Variants in MAP4K5 observed in about 807,000 individuals in gnomAD.
MAP4K5 encodes mitogen-activated protein kinase kinase kinase kinase 5, also known as MAPK/ERK kinase kinase kinase 5.
In MAP4K5, 82 loss-of-function variants were observed where a neutral mutation model predicts 135.6. The ratio of observed to expected loss-of-function variants is 0.60; its 90% CI spans 0.51 to 0.73. MAP4K5 has a LOEUF of 0.73. MAP4K5 is among the 30% of genes least tolerant of loss of function. The pLI is 0.00. For synonymous variants in MAP4K5, 347 were observed against 335.0 expected (o/e 1.04, Z -0.39); for missense variants, 907 against 1,010.9 (o/e 0.90, Z 1.39).
intron 1 of MAP4K5, among the ~76,000 whole-genome samples, chr14:50,551,792 G>A (rs2038706030): frequency 6.6e-6 from 1 of 152,086 alleles, no homozygotes; most frequent in African/African-American, 2.4e-5. Context: ...CACAGGAAAA[G>A]CATTTGATAA....
At chr14:50,435,498 G>C (rs1014032270) in intron 26 of MAP4K5, among the ~76,000 whole-genome samples, 1 of 151,942 alleles carries the variant, frequency 6.6e-6, no homozygotes, top group African/African-American at 2.4e-5. Flanking sequence ...CTGAGTAGCA[G>C]AGACTATAGG....
intron 12 of MAP4K5, among the ~76,000 whole-genome samples, chr14:50,463,508 G>A (rs1000514421): frequency 2.6e-5 from 4 of 152,088 alleles, no homozygotes; most frequent in Non-Finnish European, 4.4e-5. Context: ...CTGCTTCTGG[G>A]CTATAATGGC....
intron 3 of MAP4K5, among the ~76,000 whole-genome samples, chr14:50,490,401 T>G (rs1366558587): frequency 2.0e-5 from 3 of 152,348 alleles, no homozygotes. Flanking sequence ...GGGTTCTAAA[T>G]GATGTTAACA....
At chr14:50,493,265 A>G (rs2037524656) in intron 3 of MAP4K5, among the ~76,000 whole-genome samples, 1 of 152,124 alleles carries the variant, frequency 6.6e-6, no homozygotes, top group Non-Finnish European at 1.5e-5. Flanking sequence ...ATATCCGGCT[A>G]ATATTTTCAA....
chr14:50,500,604 G>A (rs2037686951), intron 3 of MAP4K5, among the ~76,000 whole-genome samples: 1 of 152,156 alleles, frequency 6.6e-6, no homozygotes, highest in South Asian at 2.1e-4. Context: ...TTAAGCAGAA[G>A]TGATGATATG....
At chr14:50,545,692 G>A (rs2038622608) in intron 1 of MAP4K5, among the ~76,000 whole-genome samples, 1 of 152,180 alleles carries the variant, frequency 6.6e-6, no homozygotes, top group Non-Finnish European at 1.5e-5. Context: ...AAAGGCACAT[G>A]CGAGTATCCA....
intron 1 of MAP4K5, among the ~76,000 whole-genome samples, chr14:50,552,524 T>C (rs989291632): frequency 2.0e-5 from 3 of 152,106 alleles, no homozygotes; most frequent in Non-Finnish European, 4.4e-5. Context: ...TCCTAAAATT[T>C]GTATGGAACC....
intron 2 of MAP4K5, among the ~76,000 whole-genome samples, chr14:50,530,050 C>A (rs1382556908): frequency 6.6e-6 from 1 of 152,078 alleles, no homozygotes; most frequent in Admixed American, 6.5e-5. Flanking sequence ...CTAAGAACGC[C>A]TTAAGGATGT....
chr14:50,490,884 G>C (rs1039214380), intron 3 of MAP4K5, among the ~76,000 whole-genome samples: 1 of 152,108 alleles, frequency 6.6e-6, no homozygotes, highest in Non-Finnish European at 1.5e-5. Context: ...AACATAGTAA[G>C]AAAAAAGTAG....
At chr14:50,506,483 C>CA (rs2037812300) in intron 2 of MAP4K5, among the ~76,000 whole-genome samples, 1 of 152,068 alleles carries the variant, frequency 6.6e-6, no homozygotes, top group African/African-American at 2.4e-5. Flanking sequence ...CTCAGCCTCC[C>CA]AAGTGGCTGA....
At chr14:50,525,734 C>T (rs2038250041) in intron 2 of MAP4K5, among the ~76,000 whole-genome samples, 2 of 152,142 alleles carry the variant, frequency 1.3e-5, no homozygotes, top group South Asian at 4.1e-4. Context: ...GTCCCAGCTA[C>T]TCAGGAGGCT....
At chr14:50,514,614 T>C (rs1161215761) in intron 2 of MAP4K5, among the ~76,000 whole-genome samples, 2 of 152,266 alleles carry the variant, frequency 1.3e-5, no homozygotes, top group South Asian at 4.1e-4. Context: ...CCAGTCAAAC[T>C]AGATTGAAGA....
chr14:50,553,306 G>A (rs968640410), intron 1 of MAP4K5, among the ~76,000 whole-genome samples: 3 of 149,296 alleles, frequency 2.0e-5, no homozygotes, highest in Admixed American at 6.7e-5. Flanking sequence ...GACATGAATA[G>A]ACAATTCTTG....
chr14:50,421,099 T>C (rs2035720270), intron 32 of MAP4K5, among the ~76,000 whole-genome samples: 1 of 152,150 alleles, frequency 6.6e-6, no homozygotes, highest in African/African-American at 2.4e-5. Context: ...TTAAAAATCA[T>C]AGATACTTTA....
chr14:50,447,629 A>G, intron 15 of MAP4K5, 148 bp from the exon 16 acceptor site: 1 of 593,214 alleles, frequency 1.7e-6, no homozygotes, highest in South Asian at 2.4e-5. Context: ...TTGCTTTGTC[A>G]TTTGACATAT....
intron 2 of MAP4K5, among the ~76,000 whole-genome samples, chr14:50,512,270 C>T (rs894005551): frequency 6.6e-6 from 1 of 152,032 alleles, no homozygotes; most frequent in African/African-American, 2.4e-5. Context: ...TTTTCAGACA[C>T]ATTTATGAGC....
At chr14:50,461,457 A>G (rs2036709647) in intron 13 of MAP4K5, among the ~76,000 whole-genome samples, 1 of 152,172 alleles carries the variant, frequency 6.6e-6, no homozygotes, top group African/African-American at 2.4e-5. Flanking sequence ...TGAAGAGACA[A>G]ATTCAGAAAA....
chr14:50,427,160 G>A (rs1339386062), intron 30 of MAP4K5, among the ~76,000 whole-genome samples: 1 of 152,088 alleles, frequency 6.6e-6, no homozygotes, highest in African/African-American at 2.4e-5. Flanking sequence ...TGGTAGCCTA[G>A]GAGGAACAAA....
At chr14:50,507,297 A>T (rs113080550) in intron 2 of MAP4K5, among the ~76,000 whole-genome samples, 6,329 of 152,276 alleles carry the variant, frequency 0.042, 140 homozygotes, top group East Asian at 0.068. Context: ...CTTTTCAAAA[A>T]ACCAGCTCCT....
Sources: allele counts gnomAD v4.1 joint callset (sites outside exome capture counted in the v4.1 genomes callset), GRCh38; gene constraint gnomAD v4.1.1; transcripts MANE v1.5; gene names NCBI Gene and HGNC (gene_info 2026-07-23, HGNC 2026-07-21).